The following TPR variants were observed in gnomAD, a reference collection of about 807,000 sequenced individuals.
TPR encodes the protein translocated promoter region, nuclear basket protein, also known as nucleoprotein TPR.
TPR carries 51 observed loss-of-function variants against 316.1 expected under a neutral mutation model. The ratio of observed to expected loss-of-function variants is 0.16; its 90% confidence interval spans 0.13 to 0.20. TPR has a LOEUF of 0.20. Ranked by LOEUF, TPR falls within the 10% of genes least tolerant of loss-of-function variation. The probability of loss-of-function intolerance (pLI) is 1.00; values close to 1 mark genes in which losing one functional copy is unlikely to be tolerated. For missense variants in TPR, 2,272 were observed against 2,754.8 expected, an observed-to-expected ratio of 0.82 and a Z score of 3.92; for synonymous variants, 981 against 914.7, an observed-to-expected ratio of 1.07 and a Z score of -1.31.
rs1441375175 is a variant in TPR at position 186,351,983 on chromosome 1, G to C, written c.2462C>G (p.Thr821Arg). The C allele has an allele frequency of 1.3e-6, 2 of 1,594,700 alleles. No individual in the cohort carries two copies. The highest frequency in any genetic ancestry group is 2.3e-5 in the East Asian group (1 of 44,114). Residue 821 changes from threonine to arginine, a missense_variant, in exon 19 of 51, where the codon ACA (threonine) becomes AGA (arginine). Thr to Arg is a moderately conservative substitution (Grantham distance 71). This residue lies in a region of TPR where 757 missense variants were observed against 859.8 expected (regional missense o/e 0.88). Coordinates refer to ENST00000367478, the MANE Select transcript of TPR (RefSeq NM_003292.3). ...GGCTTTTTATTTGGTTACCTGAATT[G>C]TTTGCAGATTAGTTAGCAGTAAGTT... ...GQNLLLTNLQ[T>R]IQGILERSET...
In TPR at chr1:186,360,273, C is replaced by T; in HGVS notation, c.1191G>A (p.Glu397=). The T allele has an allele frequency of 6.2e-7, 1 of 1,612,558 alleles. No individual in the cohort carries two copies. ...KIVKPGMKLT[E]LYNAYVETQD... ...TAACAACATTTAATACCATTCTTAC[C>T]TCAGTTAGTTTCATCCCAGGTTTCA... The change falls in exon 11 of 51, where the codon GAG becomes GAA. Residue 397 remains glutamate, a splice_region_variant and synonymous_variant. Transcript: ENST00000367478.
At chr1:186,314,334 A>C in intron 50 of TPR, 1 of 389,608 alleles carries the variant, frequency 2.6e-6, no homozygotes, top group South Asian at 4.4e-5. Context: ...ATAGGTAGAG[A>C]TACAACAAAT....
At position 186,312,028 on chromosome 1, in the gene TPR, T is replaced by C. The variant is rs1288320938; in HGVS notation, c.*1943A>G. On this transcript the variant is annotated 3_prime_UTR_variant, in exon 51 of 51. Coordinates refer to ENST00000367478, the MANE Select transcript of TPR (RefSeq NM_003292.3). ...TTAATAATTATTTTTATAATACCCT[T>C]GACTAATAGCCATTATTAATATCAA... is the stretch of plus-strand genomic sequence containing the variant. 1.5e-5 allele frequency: 10 copies of C among 645,328 alleles called. No homozygotes were observed. The East Asian group carries it at 1.7e-4, about 11-fold the overall frequency. 40.0% of individuals were successfully genotyped at this position (645,328 alleles called of 1,614,324 possible).
At chr1:186,328,153 T>C (rs1201292465) in intron 39 of TPR, among the ~76,000 whole-genome samples, 1 of 152,144 alleles carries the variant, frequency 6.6e-6, no homozygotes, top group East Asian at 1.9e-4. Flanking sequence ...GTTTCCTTAA[T>C]GTCTTCCTAT....
At chr1:186,346,068 T>A (rs1658668295) in intron 23 of TPR, 67 bp downstream of exon 23, 1 of 1,478,460 alleles carries the variant, frequency 6.8e-7, no homozygotes, top group African/African-American at 1.4e-5. Context: ...TGGCAACTAA[T>A]GACTTAGTTG....
chr1:186,346,541 C>T (rs1658682364), intron 22 of TPR, among the ~76,000 whole-genome samples: 1 of 152,092 alleles, frequency 6.6e-6, no homozygotes, highest in Admixed American at 6.6e-5. Flanking sequence ...TCTCTCATTT[C>T]TCCCTCAATC....
At chr1:186,322,478 C>G in intron 44 of TPR, 40 bp downstream of exon 44, 3 of 1,613,086 alleles carry the variant, frequency 1.9e-6, no homozygotes, top group Non-Finnish European at 2.5e-6. Flanking sequence ...AATATCTGCT[C>G]AAGAAATGAA....
chr1:186,320,264 T>C (rs201823179), intron 46 of TPR, 48 bp downstream of exon 46: 8 of 1,486,640 alleles, frequency 5.4e-6, no homozygotes, highest in African/African-American at 1.4e-5. Flanking sequence ...TAATAGTTTA[T>C]TACCAAATAC....
chr1:186,362,470 G>A, intron 6 of TPR, 90 bp from the exon 7 acceptor site: 1 of 953,766 alleles, frequency 1.0e-6, no homozygotes, highest in Non-Finnish European at 1.6e-6. Context: ...GAAAAGCTAA[G>A]TAACTCCCCC....
In TPR at chr1:186,364,887, G is replaced by A. The variant is rs570621218; in HGVS notation, c.428-1442C>T. Among the ~76,000 whole-genome samples, 24 of 152,230 alleles carry A rather than the reference G, an allele frequency of 1.6e-4. No homozygotes were observed. In the South Asian group the frequency reaches 4.4e-3, roughly 28 times the overall value. On this transcript the variant is annotated intron_variant, in intron 4 of 50. Transcript: ENST00000367478. ...CAGGAAGGGATAGGCTAACTCTACC[G>A]TACTGAGCAAATGCAGTCAGGTTTA...
chr1:186,344,181 T>A, intron 25 of TPR, 91 bp from the exon 26 acceptor site: 1 of 1,457,540 alleles, frequency 6.9e-7, no homozygotes, highest in Admixed American at 2.3e-5. Flanking sequence ...ACGCCTGTAA[T>A]CCCGACTACT....
rs1657380073 is a variant in TPR, at chr1:186,312,871, A to T, written c.*1100T>A. 2 of 1,612,576 alleles carry T rather than the reference A, an allele frequency of 1.2e-6. No homozygotes were observed. The highest frequency in any genetic ancestry group is 3.3e-5 in the Admixed American group (2 of 60,018). ...CCCAACATCAGAAAACCTGACGGCT[A>T]TGATTACTATGCCTTTTCTAAAGGT... On this transcript the variant is annotated 3_prime_UTR_variant, in exon 51 of 51. Transcript: ENST00000367478.
intron 46 of TPR, among the ~76,000 whole-genome samples, chr1:186,319,086 G>C: frequency 6.6e-6 from 1 of 151,978 alleles, no homozygotes. Flanking sequence ...AAACTCCTGG[G>C]CTCAAGTGAT....
intron 4 of TPR, among the ~76,000 whole-genome samples, chr1:186,364,992 T>C (rs1347801819): frequency 6.6e-6 from 1 of 151,924 alleles, no homozygotes; most frequent in Non-Finnish European, 1.5e-5. Context: ...GCCTGTCTTC[T>C]GGTTACACAA....
intron 4 of TPR, 119 bp downstream of exon 4, chr1:186,367,767 T>A (rs548689005): frequency 3.2e-6 from 2 of 617,922 alleles, no homozygotes; most frequent in African/African-American, 3.7e-5. Context: ...ATATGACAAC[T>A]CTATACTCAA....
In TPR at chr1:186,337,145, T is replaced by TG; in HGVS notation, c.4373dup (p.Ser1459IlefsTer29). 1 of 1,613,676 alleles carries TG rather than the reference T, an allele frequency of 6.2e-7. No individual in the cohort carries two copies. The highest frequency in any genetic ancestry group is 2.2e-5 in the East Asian group (1 of 44,850). ...GATGGTCTCCAGAGGACTGAGCCGA[T>TG]GTCTCCATAACCTAAGACAACAAAC... is the stretch of plus-strand genomic sequence containing the variant. On this transcript the variant is annotated frameshift_variant, in exon 32 of 51. Transcript: ENST00000367478. LOFTEE classifies it high-confidence loss of function.
rs749105323 is a variant in TPR at position 186,350,343 on chromosome 1, G to T, written c.2656C>A (p.Leu886Ile). The T allele has an allele frequency of 6.2e-7, 1 of 1,612,628 alleles. No homozygotes were observed. Among genetic ancestry groups the T allele is most frequent in the South Asian group, 1.1e-5 (1 of 90,908 alleles). ...AATAGTTCTTTTGTGTTAAGATGAA[G>T]ATTTGTCTCTGTATCCAGTTGTCTC... The part of the protein sequence containing the change: ...TKRQLDTETN[L>I]HLNTKELLKN... Residue 886 changes from leucine (L) to isoleucine (I), a missense_variant, in exon 21 of 51, where the codon CTT becomes ATT. Physicochemically the swap from Leu to Ile is conservative, Grantham distance 5 (BLOSUM62 2). Transcript: ENST00000367478.
Position 186,323,741 on chromosome 1 carries a change from A to C in TPR, c.6242T>G (p.Leu2081Arg). 6.5e-7 allele frequency: 1 copy of C among 1,538,130 alleles called. No homozygotes were observed. Among genetic ancestry groups the C allele is most frequent in the Non-Finnish European group, 8.7e-7 (1 of 1,153,606 alleles). ...GGCATGAATGGTCAGTCTTGGGGGA[A>C]GTGGATGTGGTGGGCGTCTCGGTGA... The part of the protein sequence containing the change: ...PQSPRRPPHP[L>R]PPRLTIHAPP... The change falls in exon 43 of 51, where the codon CTT becomes CGT. Residue 2081 changes from leucine (L) to arginine (R), a missense_variant. Physicochemically the swap from Leu to Arg is moderately radical, Grantham distance 102. This residue lies in a region of TPR where 435 missense variants were observed against 461.1 expected (regional missense o/e 0.94). Transcript: ENST00000367478.
intron 18 of TPR, among the ~76,000 whole-genome samples, chr1:186,353,469 C>A (rs1658934119): frequency 6.6e-6 from 1 of 152,136 alleles, no homozygotes; most frequent in African/African-American, 2.4e-5. Flanking sequence ...ATATCTTAGC[C>A]CAGCAGAAAA....
Sources: gnomAD v4.1 joint callset for allele counts (sites outside exome capture counted in the v4.1 genomes callset) on GRCh38, gnomAD v4.1.1 for gene constraint, gnomAD v4.1.1 regional missense constraint, MANE v1.5 for transcripts, NCBI Gene and HGNC (gene_info 2026-07-23, HGNC 2026-07-21) for gene names.